Variants in PLBD2 observed in about 807,000 individuals in gnomAD.
The protein encoded by PLBD2 is putative aminopeptidase PLBD2.
A neutral mutation model predicts 68.3 loss-of-function variants in PLBD2; 51 were observed. The ratio of observed to expected loss-of-function variants is 0.75; its 90% CI spans 0.60 to 0.94. The LOEUF (loss-of-function observed/expected upper bound fraction) is 0.94, where lower values mean the gene tolerates loss of function less well. PLBD2 is among the 40% of genes least tolerant of loss of function. PLBD2 has a pLI of 0.00. For missense variants in PLBD2, 729 were observed against 792.2 expected, an observed-to-expected ratio of 0.92 and a Z score of 0.96; for synonymous variants, 314 against 339.3, an observed-to-expected ratio of 0.93 and a Z score of 0.82.
rs536604540 is a variant in PLBD2 at position 113,372,125 on chromosome 12, C to G, written c.385-524C>G. Among the ~76,000 whole-genome samples, 2 of 151,868 alleles carry G rather than the reference C, an allele frequency of 1.3e-5. No individual in the cohort carries two copies. Among genetic ancestry groups the G allele is most frequent in the African/African-American group, 4.8e-5 (2 of 41,434 alleles). On this transcript the variant is annotated intron_variant, in intron 2 of 11. Transcript: ENST00000280800. The surrounding 1 kb of genome is among the most constrained non-coding windows in gnomAD (Gnocchi z 4.2). ...AATCCTGAGGCAGTGAGTGCTGCCA[C>G]TCACTCACGGGGATGACCAGGCTAC...
chr12:113,375,335 A>G (rs1182031292), intron 5 of PLBD2, among the ~76,000 whole-genome samples: 1 of 151,924 alleles, frequency 6.6e-6, no homozygotes, highest in Non-Finnish European at 1.5e-5. Context: ...TTTATTTTTA[A>G]GAGATGGAGT....
In PLBD2 at chr12:113,387,044, A is replaced by C. The variant is rs770273877; in HGVS notation, c.1394A>C (p.Asn465Thr). Residue 465 changes from asparagine (N) to threonine (T), a missense_variant, in exon 10 of 12, where the codon AAC (asparagine) becomes ACC (threonine). Transcript: ENST00000280800. The stretch of plus-strand genomic sequence containing the variant: ...CCCCGGGCCCAGATCTTCCGGCGGA[A>C]CCAGTCACTGGTACAAGACATGGAC... ...GSPRAQIFRR[N>T]QSLVQDMDSM... The C allele has an allele frequency of 5.0e-6, 8 of 1,611,218 alleles. No homozygotes were observed. Among genetic ancestry groups the C allele is most frequent in the Non-Finnish European group, 6.8e-6 (8 of 1,178,834 alleles).
intron 5 of PLBD2, 88 bp downstream of exon 5, chr12:113,375,095 C>G (rs1957428265): frequency 8.2e-7 from 1 of 1,214,450 alleles, no homozygotes; most frequent in African/African-American, 1.5e-5. Context: ...GCCTTGGAAA[C>G]CCTCCCAACA....
chr12:113,375,114 C>A, intron 5 of PLBD2, 107 bp downstream of exon 5: 1 of 994,628 alleles, frequency 1.0e-6, no homozygotes, highest in Non-Finnish European at 1.5e-6. Context: ...CACACGGAGT[C>A]ACTGCAGGGA....
chr12:113,360,093 C>T (rs1307904986), intron 1 of PLBD2, among the ~76,000 whole-genome samples: 1 of 152,156 alleles, frequency 6.6e-6, no homozygotes, highest in Admixed American at 6.5e-5. Flanking sequence ...ACACAGGATG[C>T]CGAGGACACC....
At chr12:113,362,330 T>TA (rs748737757) in intron 1 of PLBD2, among the ~76,000 whole-genome samples, 2,009 of 123,908 alleles carry the variant, frequency 0.016, 44 homozygotes, top group African/African-American at 0.051. Context: ...CTGTCTCAAA[T>TA]AAAAAAAAAA....
Position 113,369,183 on chromosome 12 carries a change from G to T in PLBD2, c.358G>T (p.Val120Leu). The change falls in exon 2 of 12, where the codon GTG (valine) becomes TTG (leucine). Residue 120 changes from valine (V) to leucine (L), a missense_variant. Coordinates refer to ENST00000280800, the MANE Select transcript of PLBD2 (RefSeq NM_173542.4). ...NDSLQAYAAG[V>L]VEAAVSEELI... is the part of the protein sequence containing the mutation. ...CAGCTTGCAGGCCTATGCAGCCGGT[G>T]TGGTGGAGGCTGCTGTGTCGGAGGA... The T allele has an allele frequency of 6.2e-7, 1 of 1,606,702 alleles. No homozygotes were observed. Among genetic ancestry groups the T allele is most frequent in the East Asian group, 2.2e-5 (1 of 44,708 alleles).
Position 113,372,582 on chromosome 12 carries a change from G to T in PLBD2, c.385-67G>T, listed in dbSNP as rs543881828. 6.5e-7 allele frequency: 1 copy of T among 1,539,980 alleles called. No individual in the cohort carries two copies. Among genetic ancestry groups the T allele is most frequent in the Non-Finnish European group, 8.9e-7 (1 of 1,129,756 alleles). ...GCCTCCGCTCTGGGGCAGCCTGGGT[G>T]GGGGGCTCTCAGGGAAGAGAGCACC... On this transcript the variant is annotated intron_variant, in intron 2 of 11. Coordinates refer to ENST00000280800, the MANE Select transcript of PLBD2 (RefSeq NM_173542.4). This position sits in a 1 kb window ranked among gnomAD's most constrained non-coding sequence, Gnocchi z 4.2.
At chr12:113,366,903 C>T (rs1319435044) in intron 1 of PLBD2, among the ~76,000 whole-genome samples, 1 of 151,936 alleles carries the variant, frequency 6.6e-6, no homozygotes, top group Non-Finnish European at 1.5e-5. Flanking sequence ...TCACTGCAAC[C>T]TCCGCCTCCC....
chr12:113,383,523 C>G (rs868084659), intron 6 of PLBD2, among the ~76,000 whole-genome samples: 3 of 152,138 alleles, frequency 2.0e-5, no homozygotes, highest in South Asian at 2.1e-4. Flanking sequence ...CAACCTCTGT[C>G]TCCTGGGTTC....
At chr12:113,386,859 G>C in intron 9 of PLBD2, 78 bp from the exon 10 acceptor site, 8 of 1,539,580 alleles carry the variant, frequency 5.2e-6, no homozygotes, top group Non-Finnish European at 7.0e-6. Flanking sequence ...TGGTGTGACT[G>C]CCCCTCCCCT....
intron 6 of PLBD2, among the ~76,000 whole-genome samples, chr12:113,382,835 T>TTTTTGTGTGTGTGTGTG (rs1335785271): frequency 1.9e-5 from 2 of 106,536 alleles, no homozygotes; most frequent in African/African-American, 7.7e-5. Context: ...TGGTGGTTTT[T>TTTTTGTGTGTGTGTGTG]TGTGTGTGTG....
chr12:113,379,532 C>A (rs531872372), intron 5 of PLBD2, among the ~76,000 whole-genome samples: 2 of 152,238 alleles, frequency 1.3e-5, no homozygotes, highest in East Asian at 3.9e-4. Context: ...AGTCAATTTA[C>A]AAGATCACAG....
Position 113,390,112 on chromosome 12 carries a change from T to C in PLBD2, c.*1486T>C, listed in dbSNP as rs1387566731. 6.6e-6 allele frequency: 1 copy of C among 152,058 alleles called. No homozygotes were observed. Among genetic ancestry groups the C allele is most frequent in the Non-Finnish European group, 1.5e-5 (1 of 68,008 alleles). The allele number at this position is 152,058 out of a possible 1,614,324, so 9.4% of individuals were successfully genotyped here. ...AGACAGGGAGGGATCCTTTTTTGTATTGGTCTGTATACCACAGCATGGCTT... is the reference window on the plus strand; with the variant it reads ...AGACAGGGAGGGATCCTTTTTTGTACTGGTCTGTATACCACAGCATGGCTT... On this transcript the variant is annotated 3_prime_UTR_variant, in exon 12 of 12. Coordinates refer to ENST00000280800, the MANE Select transcript of PLBD2 (RefSeq NM_173542.4).
rs757669698 is a variant in PLBD2, at chr12:113,384,803, G to A, written c.1119-48G>A. The A allele has an allele frequency of 2.0e-6, 3 of 1,515,202 alleles. No homozygotes were observed. Among genetic ancestry groups the A allele is most frequent in the African/African-American group, 1.4e-5 (1 of 73,044 alleles). The allele number at this position is 1,515,202 out of a possible 1,614,324, so 93.9% of individuals were successfully genotyped here. ...GACACTGCAGGGTGGGGAAAGCTGG[G>A]GAGGTGGCTCCAGGCTCTGTTCAGT... On this transcript the variant is annotated intron_variant, in intron 7 of 11. Transcript: ENST00000280800. This position sits in a 1 kb window ranked among gnomAD's most constrained non-coding sequence, Gnocchi z 4.2.
At chr12:113,361,786 G>A (rs1957299137) in intron 1 of PLBD2, among the ~76,000 whole-genome samples, 1 of 152,054 alleles carries the variant, frequency 6.6e-6, no homozygotes. Flanking sequence ...CTTGGTCCTG[G>A]GGAAGCTGTA....
intron 2 of PLBD2, among the ~76,000 whole-genome samples, chr12:113,370,025 G>A (rs1957375100): frequency 6.6e-6 from 1 of 151,644 alleles, no homozygotes; most frequent in African/African-American, 2.4e-5. Flanking sequence ...TCAGCCTTCC[G>A]ACTAGCTGGG....
intron 1 of PLBD2, among the ~76,000 whole-genome samples, chr12:113,362,192 G>C (rs1593277574): frequency 6.6e-6 from 1 of 151,998 alleles, no homozygotes; most frequent in African/African-American, 2.4e-5. Flanking sequence ...CAAAAAAAAA[G>C]TAAAAAATTA....
chr12:113,377,712 G>T (rs34474591), intron 5 of PLBD2, among the ~76,000 whole-genome samples: 5,550 of 152,264 alleles, frequency 0.036, 148 homozygotes, highest in Middle Eastern at 0.095. Context: ...AGGTTTGCCT[G>T]GTTTTGAATG....
Sources: allele counts gnomAD v4.1 joint callset (sites outside exome capture counted in the v4.1 genomes callset), GRCh38; gene constraint gnomAD v4.1.1; non-coding constraint Gnocchi (gnomAD v3.1); transcripts MANE v1.5; gene names NCBI Gene and HGNC (gene_info 2026-07-23, HGNC 2026-07-21).